Variants in FRK observed in about 807,000 individuals in gnomAD.
The protein encoded by FRK is fyn related Src family tyrosine kinase.
FRK carries 51 observed loss-of-function variants against 56.4 expected under a neutral mutation model. The observed-to-expected ratio is 0.90, with a 90% CI of 0.72 to 1.14. FRK has a LOEUF of 1.14. Among genes scored for constraint, FRK ranks in the 50% most tolerant of loss-of-function variants. FRK has a pLI of 0.00. For missense variants in FRK, 570 were observed against 601.4 expected (o/e 0.95, Z 0.55); for synonymous variants, 245 against 217.9 (o/e 1.12, Z -1.10).
At position 115,942,444 on chromosome 6, in the gene FRK, T is replaced by A. The variant is rs528046505; in HGVS notation, c.1488A>T (p.Ser496=). The A allele has an allele frequency of 6.2e-7, 1 of 1,613,602 alleles. No individual in the cohort carries two copies. Among genetic ancestry groups the A allele is most frequent in the East Asian group, 2.2e-5 (1 of 44,870 alleles). ...TTATGAAGTTATTTGCATCTGAATATGAAGAGTCTGTTTCAAAATAGTCTT... is the reference window on the plus strand; with the variant it reads ...TTATGAAGTTATTTGCATCTGAATAAGAAGAGTCTGTTTCAAAATAGTCTT... ...KLEDYFETDS[S]YSDANNFIR is the part of the protein sequence containing the mutation. The change falls in exon 8 of 8, where the codon TCA becomes TCT. Residue 496 remains serine, a synonymous_variant. Coordinates refer to ENST00000606080, the MANE Select transcript of FRK (RefSeq NM_002031.3).
chr6:115,990,224 G>T (rs185493547), intron 2 of FRK, among the ~76,000 whole-genome samples: 236 of 152,028 alleles, frequency 1.6e-3, no homozygotes, highest in Admixed American at 2.8e-3. Context: ...CATTCTGTAG[G>T]CTGCCTGTTT....
intron 5 of FRK, among the ~76,000 whole-genome samples, chr6:115,947,341 TGTG>T (rs1772504629): frequency 6.6e-6 from 1 of 151,920 alleles, no homozygotes; most frequent in South Asian, 2.1e-4. Context: ...TGTGTGTGTG[TGTG>T]TGTGTGTGTA....
At chr6:115,970,324 C>G (rs993445665) in intron 2 of FRK, among the ~76,000 whole-genome samples, 1 of 152,142 alleles carries the variant, frequency 6.6e-6, no homozygotes, top group East Asian at 1.9e-4. Context: ...TAATTCCACT[C>G]CTAAGCATAA....
intron 1 of FRK, among the ~76,000 whole-genome samples, chr6:116,024,052 GAAC>G (rs1267585352): frequency 1.0e-4 from 11 of 110,294 alleles, no homozygotes; most frequent in African/African-American, 1.6e-4. Flanking sequence ...AGAATCCTGA[GAAC>G]TTACACACAC....
chr6:116,087,209 A>G, the FRK span, among the ~76,000 whole-genome samples: 1 of 152,216 alleles, frequency 6.6e-6, no homozygotes, highest in African/African-American at 2.4e-5. Context: ...TACTTTGTCT[A>G]TATTTTTATG....
chr6:116,089,574 G>A, the FRK span, among the ~76,000 whole-genome samples: 2 of 152,174 alleles, frequency 1.3e-5, no homozygotes, highest in Admixed American at 6.5e-5. Context: ...GTTTTGTCTT[G>A]TAGACGGCTG....
At chr6:115,958,644 AAAAGAAAG>A (rs1171075326) in intron 4 of FRK, among the ~76,000 whole-genome samples, 2 of 3,818 alleles carry the variant, frequency 5.2e-4, no homozygotes, top group Admixed American at 6.2e-3. Flanking sequence ...GGAAAGAAAG[AAAAGAAAG>A]AAAGAAAGAA....
intron 1 of FRK, among the ~76,000 whole-genome samples, chr6:116,026,670 C>G (rs1028312865): frequency 2.0e-5 from 3 of 151,826 alleles, no homozygotes; most frequent in Admixed American, 2.0e-4. Flanking sequence ...GATAAGATGT[C>G]TTTCAAGGAG....
intron 2 of FRK, among the ~76,000 whole-genome samples, chr6:115,986,048 T>TTGTGAGCCAATTCCC (rs1774379523): frequency 6.6e-6 from 1 of 151,644 alleles, no homozygotes; most frequent in African/African-American, 2.4e-5. Flanking sequence ...TGTACAAATT[T>TTGTGAGCCAATTCCC]ATGTCTGGGA....
chr6:116,076,917 C>T, the FRK span, among the ~76,000 whole-genome samples: 9 of 152,274 alleles, frequency 5.9e-5, no homozygotes, highest in Admixed American at 3.3e-4. Context: ...AGGGTGATAA[C>T]GTTATAGATT....
chr6:116,059,434 T>A (rs1427976347), intron 1 of FRK, among the ~76,000 whole-genome samples: 1 of 152,176 alleles, frequency 6.6e-6, no homozygotes, highest in African/African-American at 2.4e-5. Context: ...ATGATGTCAC[T>A]GAGAACATTA....
At chr6:116,019,872 T>A (rs1775799988) in intron 1 of FRK, among the ~76,000 whole-genome samples, 1 of 152,150 alleles carries the variant, frequency 6.6e-6, no homozygotes, top group Non-Finnish European at 1.5e-5. Context: ...AAAATGTTCC[T>A]GTAGAATAAC....
intron 2 of FRK, among the ~76,000 whole-genome samples, chr6:115,983,703 C>T (rs3777424): frequency 0.17 from 26,450 of 152,036 alleles, 2,953 homozygotes; most frequent in East Asian, 0.39. Flanking sequence ...GGGCATTATA[C>T]GCTATCAATT....
the FRK span, among the ~76,000 whole-genome samples, chr6:116,087,709 T>C: frequency 4.6e-5 from 7 of 152,226 alleles, no homozygotes; most frequent in Non-Finnish European, 7.4e-5. Context: ...CTAATTCTTA[T>C]AGATTGGAAT....
At chr6:116,097,085 G>A in the FRK span, among the ~76,000 whole-genome samples, 1 of 151,948 alleles carries the variant, frequency 6.6e-6, no homozygotes, top group African/African-American at 2.4e-5. Flanking sequence ...AATCAAGAGA[G>A]TAGAAAATGA....
intron 1 of FRK, among the ~76,000 whole-genome samples, chr6:116,036,108 T>C (rs965100313): frequency 1.3e-5 from 2 of 152,160 alleles, no homozygotes; most frequent in African/African-American, 4.8e-5. Flanking sequence ...GCCTGCACTT[T>C]TTTTAAAAAT....
rs766698759 is a variant in FRK at position 115,956,481 on chromosome 6, CTCA to C, written c.926_928del (p.Met309del). ...GAGATATTCTTGCAGACTTCCATGTCTCATCAACTCTGTAATAATATAAATTGG... is the reference window on the plus strand; with the variant it reads ...GAGATATTCTTGCAGACTTCCATGTCTCAACTCTGTAATAATATAAATTGG... On this transcript the variant is annotated inframe_deletion, in exon 5 of 8. Transcript: ENST00000606080. The C allele has an allele frequency of 1.9e-5, 29 of 1,558,598 alleles. No individual in the cohort carries two copies. Among genetic ancestry groups the C allele is most frequent in the Non-Finnish European group, 2.4e-5 (28 of 1,152,810 alleles).
intron 4 of FRK, among the ~76,000 whole-genome samples, chr6:115,957,425 C>A (rs1773045080): frequency 6.6e-6 from 1 of 152,144 alleles, no homozygotes; most frequent in Non-Finnish European, 1.5e-5. Context: ...AAAATCTTTT[C>A]TTTTAGAATA....
chr6:115,953,432 GC>G (rs1458725823), intron 5 of FRK, among the ~76,000 whole-genome samples: 1 of 151,730 alleles, frequency 6.6e-6, no homozygotes, highest in East Asian at 1.9e-4. Context: ...CTCGTGATCC[GC>G]CCGCCTCGGC....
Sources: gnomAD v4.1 joint callset for allele counts (sites outside exome capture counted in the v4.1 genomes callset) on GRCh38, gnomAD v4.1.1 for gene constraint, MANE v1.5 for transcripts, NCBI Gene and HGNC (gene_info 2026-07-23, HGNC 2026-07-21) for gene names.